Variants in CYRIB observed in about 807,000 individuals in gnomAD.
CYRIB encodes CYFIP-related Rac1 interactor B.
In CYRIB, 8 loss-of-function variants were observed where a neutral mutation model predicts 44.2. The ratio of observed to expected loss-of-function variants is 0.18; its 90% CI spans 0.11 to 0.33. The LOEUF (loss-of-function observed/expected upper bound fraction) is 0.33, where lower values mean the gene tolerates loss of function less well. Among genes scored for constraint, CYRIB ranks in the 10% least tolerant of loss-of-function variants. The pLI is 1.00. For synonymous variants in CYRIB, 131 were observed against 127.2 expected, an observed-to-expected ratio of 1.03 and a Z score of -0.20; for missense variants, 185 against 382.8, an observed-to-expected ratio of 0.48 and a Z score of 4.31.
intron 2 of CYRIB, among the ~76,000 whole-genome samples, chr8:129,965,375 G>A (rs1364531093): frequency 6.6e-6 from 1 of 151,832 alleles, no homozygotes. Flanking sequence ...CCTACATCTG[G>A]CAGCATACCA....
At chr8:129,985,299 G>A (rs1371126056) in intron 1 of CYRIB, among the ~76,000 whole-genome samples, 1 of 152,192 alleles carries the variant, frequency 6.6e-6, no homozygotes, top group South Asian at 2.1e-4. Flanking sequence ...ACAGGCAGTA[G>A]GTGCCACTAT....
intron 1 of CYRIB, among the ~76,000 whole-genome samples, chr8:129,908,074 A>G (rs2076329470): frequency 6.6e-6 from 1 of 152,192 alleles, no homozygotes; most frequent in South Asian, 2.1e-4. Flanking sequence ...CTCAAACTAT[A>G]CATTACACAT....
intron 2 of CYRIB, among the ~76,000 whole-genome samples, chr8:129,950,464 C>A (rs181698368): frequency 1.3e-5 from 2 of 151,706 alleles, no homozygotes; most frequent in African/African-American, 4.8e-5. Flanking sequence ...CAGCTACTTG[C>A]GAGGCTGAGA....
intron 2 of CYRIB, among the ~76,000 whole-genome samples, chr8:129,889,294 A>G (rs2064104143): frequency 6.6e-6 from 1 of 152,178 alleles, no homozygotes. Flanking sequence ...CTGATAATGC[A>G]CCTAGTCAAT....
At chr8:129,996,229 C>T (rs1249599488) in intron 1 of CYRIB, among the ~76,000 whole-genome samples, 1 of 152,174 alleles carries the variant, frequency 6.6e-6, no homozygotes, top group Non-Finnish European at 1.5e-5. Context: ...ATGGGAAGCC[C>T]TCCTTAACCT....
rs1479853584 is a variant in CYRIB, at chr8:129,924,009, GCCTGTATCCCCAA to G, written c.-50+15586_-50+15598del. On this transcript the variant is annotated intron_variant, in intron 1 of 11. Coordinates refer to ENST00000519824, the Ensembl canonical transcript of CYRIB. ...GTTTAGGCCAGCTGCAGTAGCTCAT[GCCTGTATCCCCAA>G]CACTTTGCAAGGCTGAGGCAGGAGA... Among the ~76,000 whole-genome samples the G allele has an allele frequency of 1.5e-4, 22 of 149,578 alleles. No homozygotes were observed. In the East Asian group the frequency reaches 4.1e-3, roughly 28 times the overall value.
At chr8:129,943,757 C>A (rs2130983688), upstream of CYRIB, among the ~76,000 whole-genome samples, 1 of 150,802 alleles carries the variant, frequency 6.6e-6, no homozygotes, top group South Asian at 2.1e-4. Flanking sequence ...CACCATCACG[C>A]CCGGCTAACT....
At chr8:129,991,971 A>C (rs536957572) in intron 1 of CYRIB, among the ~76,000 whole-genome samples, 9 of 134,688 alleles carry the variant, frequency 6.7e-5, no homozygotes, top group East Asian at 6.5e-4. Flanking sequence ...AAAAAAAAAA[A>C]ACAATAGGAA....
intron 3 of CYRIB, among the ~76,000 whole-genome samples, chr8:129,874,638 T>C (rs1287788581): frequency 1.3e-5 from 2 of 152,058 alleles, no homozygotes; most frequent in African/African-American, 4.8e-5. Context: ...TTTGAATGAA[T>C]GAGAGGGTAC....
chr8:129,969,016 T>TTTTTTTTTA (rs1491323224), intron 2 of CYRIB, among the ~76,000 whole-genome samples: 3 of 4,266 alleles, frequency 7.0e-4, no homozygotes, highest in African/African-American at 1.2e-3. Flanking sequence ...TTTGTCCTCC[T>TTTTTTTTTA]TTTTTTTTTT....
intron 2 of CYRIB, among the ~76,000 whole-genome samples, chr8:129,895,174 G>GTT (rs1419168406): frequency 6.8e-6 from 1 of 147,886 alleles, no homozygotes. Context: ...GTTGTTGTTT[G>GTT]TTTTTTTTTG....
Position 129,852,002 on chromosome 8 carries a change from G to A in CYRIB, c.633+160C>T, listed in dbSNP as rs116566821. On this transcript the variant is annotated intron_variant, in intron 8 of 11. Transcript: ENST00000519824. Reference sequence around the variant, plus strand: ...AGAGAAACTGCAAATACGTGGACAGGTGTGCACATGTGGGCCTCAGAAAAA... The same window carrying A: ...AGAGAAACTGCAAATACGTGGACAGATGTGCACATGTGGGCCTCAGAAAAA... 5.4e-3 allele frequency: 2,261 copies of A among 421,456 alleles called. 35 individuals are homozygous for A. The highest frequency in any genetic ancestry group is 0.04 in the African/African-American group (1,975 of 48,832). 26.1% of individuals were successfully genotyped at this position (421,456 alleles called of 1,614,324 possible).
At position 129,904,263 on chromosome 8, in the gene CYRIB, T is replaced by C. The variant is rs567481175; in HGVS notation, c.-49-913A>G. On this transcript the variant is annotated intron_variant, in intron 1 of 11. Transcript: ENST00000519824. ...ACTATCTGTGGTTCACTTTCTGCTCTGGGGCTTTGCAATAGGAGACGTCTA... is the reference window on the plus strand; with the variant it reads ...ACTATCTGTGGTTCACTTTCTGCTCCGGGGCTTTGCAATAGGAGACGTCTA... 1.3e-3 allele frequency among the ~76,000 whole-genome samples: 198 copies of C among 152,280 alleles called. 2 individuals carry two copies. The highest frequency in any genetic ancestry group is 4.5e-3 in the African/African-American group (189 of 41,560).
chr8:129,887,913 A>G (rs954711988), intron 2 of CYRIB, among the ~76,000 whole-genome samples: 1 of 152,208 alleles, frequency 6.6e-6, no homozygotes, highest in African/African-American at 2.4e-5. Flanking sequence ...CATAGGTGGA[A>G]GGGACTTGTC....
At chr8:129,841,143 C>T (rs1343594048) in exon 12 of CYRIB, 1 of 152,114 alleles carries the variant, frequency 6.6e-6, no homozygotes, top group East Asian at 1.9e-4. Flanking sequence ...GATTAAAGGG[C>T]TACTCTGCCT....
At chr8:130,012,064 G>T (rs2097235471) in intron 1 of CYRIB, among the ~76,000 whole-genome samples, 1 of 151,898 alleles carries the variant, frequency 6.6e-6, no homozygotes. Flanking sequence ...AATGATTTCA[G>T]ATTATCTTAA....
At chr8:129,851,062 G>T in intron 8 of CYRIB, 148 bp from the exon 11 acceptor site, 2 of 610,096 alleles carry the variant, frequency 3.3e-6, no homozygotes, top group South Asian at 4.0e-5. Flanking sequence ...TAGACTCTAA[G>T]CAACTGTTCC....
intron 2 of CYRIB, among the ~76,000 whole-genome samples, chr8:129,946,760 TCA>T (rs2094167895): frequency 1.3e-5 from 2 of 152,188 alleles, no homozygotes; most frequent in South Asian, 4.1e-4. Context: ...AACATATTTC[TCA>T]CAAGTGGGGC....
At chr8:129,936,253 A>C (rs2092770811) in intron 1 of CYRIB, among the ~76,000 whole-genome samples, 2 of 152,230 alleles carry the variant, frequency 1.3e-5, no homozygotes, top group Non-Finnish European at 2.9e-5. Context: ...AGTATACTTG[A>C]ACAAGTATAC....
Sources: gnomAD v4.1 joint callset for allele counts (sites outside exome capture counted in the v4.1 genomes callset) on GRCh38, gnomAD v4.1.1 for gene constraint, MANE v1.5 for transcripts, NCBI Gene and HGNC (gene_info 2026-07-23, HGNC 2026-07-21) for gene names.